TBC1D22B: variants seen among roughly 807,000 people sequenced by gnomAD.
TBC1D22B encodes the protein chromosome 6 open reading frame 197.
Under a neutral mutation model 69.1 loss-of-function variants are expected in TBC1D22B, and 32 were observed. That is an observed-to-expected ratio of 0.46 (90% CI 0.35 to 0.62). The LOEUF is 0.62. Among genes scored for constraint, TBC1D22B ranks in the 20% least tolerant of loss-of-function variants. The pLI is 0.00. For missense variants in TBC1D22B, 462 were observed against 630.9 expected (o/e 0.73, Z 2.87); for synonymous variants, 206 against 229.8 (o/e 0.90, Z 0.94).
chr6:37,328,729 T>C (rs1331621869), intron 12 of TBC1D22B, among the ~76,000 whole-genome samples: 1 of 152,188 alleles, frequency 6.6e-6, no homozygotes, highest in Non-Finnish European at 1.5e-5. Flanking sequence ...GTTTTTTTTT[T>C]ACTTTTTAGT....
chr6:37,313,109 A>G (rs1767969666), intron 9 of TBC1D22B, 85 bp downstream of exon 9: 1 of 1,058,480 alleles, frequency 9.4e-7, no homozygotes, highest in Admixed American at 1.8e-5. Context: ...GCTCTTCTGT[A>G]TCAGGCAGGA....
At chr6:37,328,198 G>A (rs1453062731) in intron 12 of TBC1D22B, among the ~76,000 whole-genome samples, 3 of 152,036 alleles carry the variant, frequency 2.0e-5, no homozygotes, top group South Asian at 2.1e-4. Flanking sequence ...CCAGCTACTC[G>A]GGAGGCTGAG....
chr6:37,298,806 G>A (rs146730351), intron 8 of TBC1D22B, among the ~76,000 whole-genome samples: 4,829 of 152,082 alleles, frequency 0.032, 237 homozygotes, highest in African/African-American at 0.11. Context: ...CGGCCTCCCA[G>A]AGTGTTGGGA....
rs972739576 is a variant in TBC1D22B, at chr6:37,328,273, C to G, written c.1390-2771C>G. ...TGAACTGAGATTGTGCCACTGCGTT[C>G]CAGCCTGGGCAATAGAGCAAGACTC... is the stretch of plus-strand genomic sequence containing the variant. On this transcript the variant is annotated intron_variant, in intron 12 of 12. Transcript: ENST00000373491. Among the ~76,000 whole-genome samples the G allele has an allele frequency of 3.9e-5, 6 of 152,074 alleles. No individual in the cohort carries two copies. The East Asian group carries it at 1.2e-3, about 29-fold the overall frequency.
At chr6:37,275,355 G>T (rs1338138336) in intron 2 of TBC1D22B, among the ~76,000 whole-genome samples, 1 of 152,048 alleles carries the variant, frequency 6.6e-6, no homozygotes, top group Non-Finnish European at 1.5e-5. Context: ...TTTTCCTACA[G>T]GGTGTGAGAG....
intron 2 of TBC1D22B, among the ~76,000 whole-genome samples, chr6:37,273,183 CAAAAAAAAAA>C (rs58720560): frequency 2.6e-5 from 2 of 77,272 alleles, no homozygotes; most frequent in African/African-American, 4.8e-5. Context: ...AACCCCGAGG[CAAAAAAAAAA>C]AAAAAAAAAA....
chr6:37,306,485 TA>T (rs1364328008), intron 8 of TBC1D22B, among the ~76,000 whole-genome samples: 2 of 152,272 alleles, frequency 1.3e-5, no homozygotes, highest in Non-Finnish European at 1.5e-5. Context: ...CCTAGAAGAT[TA>T]AGTATGTGCT....
chr6:37,303,182 A>G (rs901541409), intron 8 of TBC1D22B, among the ~76,000 whole-genome samples: 8 of 152,242 alleles, frequency 5.3e-5, no homozygotes, highest in East Asian at 1.9e-4. Context: ...TAGGTGGCCA[A>G]TACACTTAGG....
intron 8 of TBC1D22B, among the ~76,000 whole-genome samples, chr6:37,302,841 T>C (rs1036045436): frequency 6.6e-6 from 1 of 152,222 alleles, no homozygotes; most frequent in Admixed American, 6.5e-5. Flanking sequence ...TTAAGTAAGA[T>C]AGAAAAGCTT....
At chr6:37,278,805 C>T (rs1766739202) in intron 2 of TBC1D22B, among the ~76,000 whole-genome samples, 1 of 151,986 alleles carries the variant, frequency 6.6e-6, no homozygotes, top group African/African-American at 2.4e-5. Flanking sequence ...TCGTGGTGTA[C>T]ACCTGTAGTC....
intron 6 of TBC1D22B, among the ~76,000 whole-genome samples, chr6:37,286,722 T>C (rs1581593989): frequency 6.6e-6 from 1 of 151,170 alleles, no homozygotes; most frequent in African/African-American, 2.4e-5. Context: ...GGCGGGTGGG[T>C]CACCTGAGGT....
intron 8 of TBC1D22B, among the ~76,000 whole-genome samples, chr6:37,305,330 A>G (rs564971564): frequency 6.6e-6 from 1 of 152,322 alleles, no homozygotes; most frequent in African/African-American, 2.4e-5. Flanking sequence ...AGAAAAGTGC[A>G]TCTGTCATAC....
chr6:37,329,612 A>G (rs1768525535), intron 12 of TBC1D22B, among the ~76,000 whole-genome samples: 1 of 152,262 alleles, frequency 6.6e-6, no homozygotes, highest in South Asian at 2.1e-4. Context: ...ACCTCAAAAT[A>G]ACAGTGGCTT....
At chr6:37,307,358 T>TC (rs1491418915) in intron 8 of TBC1D22B, among the ~76,000 whole-genome samples, 2 of 135,534 alleles carry the variant, frequency 1.5e-5, no homozygotes, top group Non-Finnish European at 3.1e-5. Flanking sequence ...CTTTTTTTTC[T>TC]TTTTTTTTTT....
rs1767016186 is a variant in TBC1D22B, at chr6:37,286,659, C to T, written c.802-348C>T. 2.0e-5 allele frequency among the ~76,000 whole-genome samples: 3 copies of T among 149,820 alleles called. No homozygotes were observed. The South Asian group carries it at 6.6e-4, about 33-fold the overall frequency. The stretch of plus-strand genomic sequence containing the variant: ...AAAAAAAAATTGTCAAAAGAACAAA[C>T]TGGGCCAGGCACGGTGGCTCACACC... On this transcript the variant is annotated intron_variant, in intron 6 of 12. Transcript: ENST00000373491.
intron 3 of TBC1D22B, 127 bp from the exon 4 acceptor site, chr6:37,282,058 T>G (rs922567903): frequency 6.2e-5 from 66 of 1,063,650 alleles, no homozygotes; most frequent in Non-Finnish European, 9.2e-5. Flanking sequence ...GCTGGGCACC[T>G]CAGACAGTGC....
At chr6:37,306,490 A>G (rs1384916615) in intron 8 of TBC1D22B, among the ~76,000 whole-genome samples, 1 of 152,126 alleles carries the variant, frequency 6.6e-6, no homozygotes, top group Non-Finnish European at 1.5e-5. Flanking sequence ...AAGATTAAGT[A>G]TGTGCTGGAC....
intron 6 of TBC1D22B, 99 bp downstream of exon 6, chr6:37,284,563 C>A: frequency 7.5e-7 from 1 of 1,335,644 alleles, no homozygotes; most frequent in Non-Finnish European, 1.0e-6. Context: ...AGTCTTCAGG[C>A]TGTGGTATAT....
chr6:37,303,571 G>A lies in TBC1D22B; in HGVS notation c.983-9347G>A, dbSNP rs559685096. ...TTGCACACCATTCAAACAGAGACTC[G>A]CCCACAGAACTCCTCTGACAAAAAT... On this transcript the variant is annotated intron_variant, in intron 8 of 12. Coordinates refer to ENST00000373491, the MANE Select transcript of TBC1D22B (RefSeq NM_017772.4). 8.5e-5 allele frequency among the ~76,000 whole-genome samples: 13 copies of A among 152,138 alleles called. No homozygotes were observed. In the South Asian group the frequency reaches 2.5e-3, roughly 29 times the overall value.
Sources: gnomAD v4.1 joint callset for allele counts (sites outside exome capture counted in the v4.1 genomes callset) on GRCh38, gnomAD v4.1.1 for gene constraint, MANE v1.5 for transcripts, NCBI Gene and HGNC (gene_info 2026-07-23, HGNC 2026-07-21) for gene names.